The following DAPK1 variants were observed in gnomAD, a reference collection of about 807,000 sequenced individuals.
DAPK1 encodes death-associated protein kinase 1.
Under a neutral mutation model 144.9 loss-of-function variants are expected in DAPK1, and 56 were observed. The observed-to-expected ratio is 0.39, with a 90% CI of 0.31 to 0.48. The LOEUF is 0.48. Among genes scored for constraint, DAPK1 ranks in the 20% least tolerant of loss-of-function variants. The pLI, the probability that DAPK1 is intolerant of heterozygous loss-of-function variation, is 0.95. For synonymous variants in DAPK1, 690 were observed against 749.0 expected (o/e 0.92, Z 1.29); for missense variants, 1,454 against 1,875.4 (o/e 0.78, Z 4.15).
chr9:87,682,120 T>C lies in DAPK1; in HGVS notation c.2224+494T>C, dbSNP rs562620505. Among the ~76,000 whole-genome samples the C allele has an allele frequency of 7.2e-5, 11 of 152,274 alleles. No homozygotes were observed. In the South Asian group the frequency reaches 2.3e-3, roughly 32 times the overall value. ...ATACATAGAGCAACAAAAAGGGATT[T>C]CCAGGAAGCACCATCCTGCTCAGTT... On this transcript the variant is annotated intron_variant, in intron 20 of 25. Transcript: ENST00000408954.
At chr9:87,632,615 G>C in intron 3 of DAPK1, 1 of 981,134 alleles carries the variant, frequency 1.0e-6, no homozygotes, top group Non-Finnish European at 1.2e-6. Context: ...TAGGAATGAA[G>C]GGTGATCAGT....
chr9:87,535,888 G>A (rs1194949549), intron 2 of DAPK1, among the ~76,000 whole-genome samples: 1 of 152,222 alleles, frequency 6.6e-6, no homozygotes, highest in Admixed American at 6.5e-5. Flanking sequence ...TCTTTGGGCA[G>A]AGGATTACAT....
chr9:87,624,615 A>G lies in DAPK1; in HGVS notation c.285-13328A>G, dbSNP rs1829426102. 5.3e-5 allele frequency among the ~76,000 whole-genome samples: 8 copies of G among 152,286 alleles called. No homozygotes were observed. The South Asian group carries it at 1.7e-3, about 32-fold the overall frequency. ...AGAAAGGTTAAGTGTCTTCCCCTGGATTACTCAGCCAGCAAGTGGACAGGA... is the reference window on the plus strand; with the variant it reads ...AGAAAGGTTAAGTGTCTTCCCCTGGGTTACTCAGCCAGCAAGTGGACAGGA... On this transcript the variant is annotated intron_variant, in intron 3 of 25. Transcript: ENST00000408954.
At position 87,602,883 on chromosome 9, in the gene DAPK1, C is replaced by T. The variant is rs1466991408; in HGVS notation, c.63-2071C>T. Reference sequence around the variant, plus strand: ...TCCTGACCTCATGATCCACCCACCTCGGCCTCCCAAAGCGGTTTTTCTTTC... The same window carrying T: ...TCCTGACCTCATGATCCACCCACCTTGGCCTCCCAAAGCGGTTTTTCTTTC... On this transcript the variant is annotated intron_variant, in intron 2 of 25. Transcript: ENST00000408954. 2.6e-5 allele frequency among the ~76,000 whole-genome samples: 4 copies of T among 151,676 alleles called. No individual in the cohort carries two copies. The South Asian group carries it at 6.2e-4, about 24-fold the overall frequency.
At chr9:87,608,774 C>G (rs1011221001) in intron 3 of DAPK1, among the ~76,000 whole-genome samples, 2 of 152,160 alleles carry the variant, frequency 1.3e-5, no homozygotes, top group South Asian at 4.1e-4. Context: ...CGGGAGGGCC[C>G]TTAGGAGCTG....
intron 17 of DAPK1, among the ~76,000 whole-genome samples, chr9:87,655,008 A>T (rs929456451): frequency 6.6e-6 from 1 of 152,214 alleles, no homozygotes; most frequent in African/African-American, 2.4e-5. Context: ...CAGGCTGCAA[A>T]TATCTATAAG....
chr9:87,519,618 C>A (rs945940598), intron 2 of DAPK1, among the ~76,000 whole-genome samples: 1 of 152,122 alleles, frequency 6.6e-6, no homozygotes, highest in African/African-American at 2.4e-5. Flanking sequence ...TGGGGAGTGT[C>A]CTTCTGCCTT....
chr9:87,572,020 G>A (rs562483193), intron 2 of DAPK1, among the ~76,000 whole-genome samples: 1 of 152,298 alleles, frequency 6.6e-6, no homozygotes, highest in Admixed American at 6.5e-5. Flanking sequence ...TCACTGGGGA[G>A]GATTCTGTCA....
intron 2 of DAPK1, among the ~76,000 whole-genome samples, chr9:87,536,593 A>G (rs1012398784): frequency 6.6e-6 from 1 of 152,210 alleles, no homozygotes; most frequent in Non-Finnish European, 1.5e-5. Context: ...AGCACTTAAA[A>G]TACTGATTTA....
chr9:87,617,799 C>T (rs150033422), intron 3 of DAPK1, among the ~76,000 whole-genome samples: 318 of 152,268 alleles, frequency 2.1e-3, no homozygotes, highest in African/African-American at 7.1e-3. Flanking sequence ...CTCAACTTCA[C>T]GTGTCTTAAA....
intron 3 of DAPK1, among the ~76,000 whole-genome samples, chr9:87,611,032 C>G (rs949397460): frequency 2.0e-5 from 3 of 152,134 alleles, no homozygotes; most frequent in Admixed American, 6.5e-5. Flanking sequence ...CTAGCACAGA[C>G]TTCCAAATTC....
chr9:87,621,282 C>T (rs144701147), intron 3 of DAPK1, among the ~76,000 whole-genome samples: 1 of 152,158 alleles, frequency 6.6e-6, no homozygotes, highest in East Asian at 1.9e-4. Flanking sequence ...ACTCCAGGGC[C>T]CCATGCAATA....
chr9:87,654,054 G>A lies in DAPK1; in HGVS notation c.1824+2330G>A, dbSNP rs187914176. On this transcript the variant is annotated intron_variant, in intron 17 of 25. Coordinates refer to ENST00000408954, the MANE Select transcript of DAPK1 (RefSeq NM_004938.4). ...TTTATGGGCAAAAGTTCCTACTACC[G>A]TTTTTTGTGCTAAATAAATGTGGTA... Among the ~76,000 whole-genome samples, 125 of 152,162 alleles carry A rather than the reference G, an allele frequency of 8.2e-4. 1 individual carries two copies. Among genetic ancestry groups the A allele is most frequent in the African/African-American group, 2.8e-3 (115 of 41,512 alleles).
chr9:87,524,873 CT>C (rs1226708993), intron 2 of DAPK1, among the ~76,000 whole-genome samples: 1 of 152,072 alleles, frequency 6.6e-6, no homozygotes, highest in Non-Finnish European at 1.5e-5. Flanking sequence ...ACACAATAGA[CT>C]TTGGGGACTT....
chr9:87,691,603 G>C (rs1825054667), intron 21 of DAPK1, among the ~76,000 whole-genome samples: 2 of 151,948 alleles, frequency 1.3e-5, no homozygotes, highest in African/African-American at 4.8e-5. Flanking sequence ...AAACGTTTCT[G>C]ATTTTTTGAC....
chr9:87,581,961 C>T (rs1827766340), intron 2 of DAPK1, among the ~76,000 whole-genome samples: 1 of 152,162 alleles, frequency 6.6e-6, no homozygotes, highest in African/African-American at 2.4e-5. Flanking sequence ...AATAGGTCCT[C>T]ACATACAGAG....
At chr9:87,517,690 A>G (rs1482312519) in intron 2 of DAPK1, among the ~76,000 whole-genome samples, 2 of 152,156 alleles carry the variant, frequency 1.3e-5, no homozygotes, top group Admixed American at 6.5e-5. Flanking sequence ...GCACGTTTTC[A>G]TCCTTGGCAT....
intron 2 of DAPK1, among the ~76,000 whole-genome samples, chr9:87,519,891 C>T: frequency 6.6e-6 from 1 of 152,086 alleles, no homozygotes; most frequent in South Asian, 2.1e-4. Context: ...TACCTGCTCT[C>T]CAGCTTGGCC....
At chr9:87,572,435 G>A (rs1361375737) in intron 2 of DAPK1, among the ~76,000 whole-genome samples, 6 of 152,120 alleles carry the variant, frequency 3.9e-5, no homozygotes, top group Non-Finnish European at 7.3e-5. Flanking sequence ...TTCAGTAGGC[G>A]ATATTGTTTG....
Sources: allele counts gnomAD v4.1 joint callset (sites outside exome capture counted in the v4.1 genomes callset), GRCh38; gene constraint gnomAD v4.1.1; transcripts MANE v1.5; gene names NCBI Gene and HGNC (gene_info 2026-07-23, HGNC 2026-07-21).